Variants in AAMP observed in about 807,000 individuals in gnomAD.
The protein encoded by AAMP is angio-associated migratory cell protein.
AAMP carries 12 observed loss-of-function variants against 51.1 expected under a neutral mutation model. That is an observed-to-expected ratio of 0.23 (90% CI 0.15 to 0.38). The LOEUF (loss-of-function observed/expected upper bound fraction) is 0.38. Among genes scored for constraint, AAMP ranks in the 10% least tolerant of loss-of-function variants. The pLI, the probability that AAMP is intolerant of heterozygous loss-of-function variation, is 1.00. For synonymous variants in AAMP, 210 were observed against 218.7 expected (o/e 0.96, Z 0.35); for missense variants, 418 against 557.2 (o/e 0.75, Z 2.52).
chr2:218,267,025 A>G lies in AAMP; in HGVS notation c.395-39T>C, dbSNP rs769231737. ...TGGGCAGAAAACAGAGGAAAAAAAT[A>G]GGGTACCTGGTGCTGGGGGCATGTG... is the stretch of plus-strand genomic sequence containing the variant. On this transcript the variant is annotated intron_variant, in intron 3 of 10. Coordinates refer to ENST00000248450, the MANE Select transcript of AAMP (RefSeq NM_001087.5). The surrounding 1 kb of genome is among the most constrained non-coding windows in gnomAD (Gnocchi z 4.6). The G allele has an allele frequency of 2.5e-6, 4 of 1,608,884 alleles. No homozygotes were observed. Among genetic ancestry groups the G allele is most frequent in the Non-Finnish European group, 2.6e-6 (3 of 1,175,970 alleles).
chr2:218,264,941 C>A (rs1690586203), intron 10 of AAMP, 79 bp downstream of exon 10: 2 of 1,592,742 alleles, frequency 1.3e-6, no homozygotes, highest in Admixed American at 1.7e-5. Context: ...TTCCCACACC[C>A]CAAGGATCCT....
In AAMP at chr2:218,266,839, G is replaced by T. The variant is rs1288383200; in HGVS notation, c.534+8C>A. 3.7e-6 allele frequency: 6 copies of T among 1,613,830 alleles called. No individual in the cohort carries two copies. The Admixed American group carries it at 5.0e-5, about 13-fold the overall frequency. On this transcript the variant is annotated splice_region_variant and intron_variant, in intron 4 of 10. Transcript: ENST00000248450. This position sits in a 1 kb window ranked among gnomAD's most constrained non-coding sequence, Gnocchi z 4.7. ...CCACAGAGCTGACTCCCGCTCTGAT[G>T]ATCTTACCTCCAGGTCTCCCGCTTC... is the stretch of plus-strand genomic sequence containing the variant.
chr2:218,266,382 T>C lies in AAMP; in HGVS notation c.679+61A>G. 1 of 1,583,050 alleles carries C rather than the reference T, an allele frequency of 6.3e-7. No individual in the cohort carries two copies. Among genetic ancestry groups the C allele is most frequent in the Non-Finnish European group, 8.6e-7 (1 of 1,159,312 alleles). ...TGACCCAGAAGGCTGCTCTGGGAGG[T>C]GTATATCCCGGGATTCGGCCTCTGC... On this transcript the variant is annotated intron_variant, in intron 5 of 10. Transcript: ENST00000248450. The surrounding 1 kb of genome is among the most constrained non-coding windows in gnomAD (Gnocchi z 4.7).
chr2:218,266,706 G>C lies in AAMP; in HGVS notation c.535-119C>G, dbSNP rs563138734. 3.9e-6 allele frequency: 6 copies of C among 1,546,310 alleles called. No individual in the cohort carries two copies. The highest frequency in any genetic ancestry group is 2.3e-4 in the Middle Eastern group (1 of 4,442). Reference sequence around the variant, plus strand: ...GGGTTCCGCGGGGACTTTCCAGGTAGCAGGTAGATATTCTTCCTGTGCCTT... The same window carrying C: ...GGGTTCCGCGGGGACTTTCCAGGTACCAGGTAGATATTCTTCCTGTGCCTT... On this transcript the variant is annotated intron_variant, in intron 4 of 10. Coordinates refer to ENST00000248450, the MANE Select transcript of AAMP (RefSeq NM_001087.5). The surrounding 1 kb of genome is among the most constrained non-coding windows in gnomAD (Gnocchi z 4.7).
rs1332149734 is a variant in AAMP at position 218,267,595 on chromosome 2, C to T, written c.293G>A (p.Ser98Asn). 3.7e-6 allele frequency: 6 copies of T among 1,614,048 alleles called. No individual in the cohort carries two copies. In the South Asian group the frequency reaches 5.5e-5, roughly 15 times the overall value. ...CAAGGTATTGGTCTTGGGGTCCAGG[C>T]TCACACAAAACACAGATGCTGTCCC... The part of the protein sequence containing the change: ...ALHSASVFCV[S>N]LDPKTNTLAV... The change falls in exon 3 of 11, where the codon AGC becomes AAC. Residue 98 changes from serine to asparagine, a missense_variant. By Grantham distance (46) the Ser-to-Asn change is conservative. Transcript: ENST00000248450. The surrounding 1 kb of genome is among the most constrained non-coding windows in gnomAD (Gnocchi z 4.6).
In AAMP at chr2:218,267,460, G is replaced by C. The variant is rs1353518510; in HGVS notation, c.394+34C>G. On this transcript the variant is annotated intron_variant, in intron 3 of 10. Transcript: ENST00000248450. This position sits in a 1 kb window ranked among gnomAD's most constrained non-coding sequence, Gnocchi z 4.6. ...CTCCTAAGATCTCCCAAAAGAATAT[G>C]ACCTCTCCCAGGCCTCTACCCCAGC... 4 of 1,611,178 alleles carry C rather than the reference G, an allele frequency of 2.5e-6. No individual in the cohort carries two copies. The African/African-American group carries it at 5.3e-5, about 22-fold the overall frequency.
In AAMP at chr2:218,265,626, C is replaced by A. The variant is rs781159554; in HGVS notation, c.936G>T (p.Gly312=). 1 of 1,613,954 alleles carries A rather than the reference C, an allele frequency of 6.2e-7. No individual in the cohort carries two copies. Among genetic ancestry groups the A allele is most frequent in the Non-Finnish European group, 8.5e-7 (1 of 1,180,030 alleles). ...TVASQPSLGE[G]EESESNSVES... ...CCACCGAGTTGGACTCACTCTCCTC[C>A]CCTTCTCCCAGGCTGGGCTGGGAGG... The change falls in exon 8 of 11, where the codon GGG becomes GGT. Residue 312 remains glycine (G), a synonymous_variant. Coordinates refer to ENST00000248450, the MANE Select transcript of AAMP (RefSeq NM_001087.5). This position sits in a 1 kb window ranked among gnomAD's most constrained non-coding sequence, Gnocchi z 6.6.
chr2:218,269,002 T>C (rs1002832194), intron 2 of AAMP, among the ~76,000 whole-genome samples: 2 of 152,108 alleles, frequency 1.3e-5, no homozygotes, highest in Non-Finnish European at 2.9e-5. Context: ...CAGCCAAATT[T>C]TTGTATTTTT....
At position 218,265,201 on chromosome 2, in the gene AAMP, G is replaced by A; in HGVS notation, c.1075-27C>T. On this transcript the variant is annotated intron_variant, in intron 9 of 10. Coordinates refer to ENST00000248450, the MANE Select transcript of AAMP (RefSeq NM_001087.5). This position sits in a 1 kb window ranked among gnomAD's most constrained non-coding sequence, Gnocchi z 6.6. ...TGCCCCGAGGAATGACAGAGGCAGG[G>A]CGGAGGTTGGCAGGAGAGCTGAGAG... 6.4e-7 allele frequency: 1 copy of A among 1,570,398 alleles called. No individual in the cohort carries two copies. Among genetic ancestry groups the A allele is most frequent in the Non-Finnish European group, 8.6e-7 (1 of 1,158,274 alleles).
At chr2:218,269,942 G>A in intron 1 of AAMP, 24 bp downstream of exon 1, 1 of 1,614,000 alleles carries the variant, frequency 6.2e-7, no homozygotes, top group Non-Finnish European at 8.5e-7. Flanking sequence ...CCTGTCCCAT[G>A]GCCTGAGGAG....
chr2:218,268,957 A>C (rs1425534949), intron 2 of AAMP, among the ~76,000 whole-genome samples: 1 of 151,986 alleles, frequency 6.6e-6, no homozygotes, highest in African/African-American at 2.4e-5. Flanking sequence ...TGGGCCTCCT[A>C]AAGTGCTGGG....
At chr2:218,268,377 C>T (rs547179954) in intron 2 of AAMP, among the ~76,000 whole-genome samples, 5 of 152,184 alleles carry the variant, frequency 3.3e-5, no homozygotes, top group African/African-American at 9.6e-5. Context: ...CTTGCTCTGT[C>T]GCCCAGGCCG....
chr2:218,265,562 TC>T lies in AAMP; in HGVS notation c.983+16del. On this transcript the variant is annotated intron_variant, in intron 8 of 10. Coordinates refer to ENST00000248450, the MANE Select transcript of AAMP (RefSeq NM_001087.5). This position sits in a 1 kb window ranked among gnomAD's most constrained non-coding sequence, Gnocchi z 6.6. ...CCCAGGCCCCTCCCACAAACCCCTT[TC>T]CCCATCCTCACTCACACACTGCAGA... 6.2e-7 allele frequency: 1 copy of T among 1,611,402 alleles called. No individual in the cohort carries two copies. The highest frequency in any genetic ancestry group is 8.5e-7 in the Non-Finnish European group (1 of 1,177,870).
chr2:218,267,110 C>T lies in AAMP; in HGVS notation c.395-124G>A, dbSNP rs1327039504. 25 of 1,138,856 alleles carry T rather than the reference C, an allele frequency of 2.2e-5. No homozygotes were observed. The highest frequency in any genetic ancestry group is 3.0e-5 in the Non-Finnish European group (24 of 801,592). The allele number at this position is 1,138,856 out of a possible 1,614,324, so 70.5% of individuals were successfully genotyped here. A position where few individuals can be genotyped will look rare whatever the true frequency, so the allele number is the denominator to read the frequency against. On this transcript the variant is annotated intron_variant, in intron 3 of 10. Transcript: ENST00000248450. This position sits in a 1 kb window ranked among gnomAD's most constrained non-coding sequence, Gnocchi z 4.6. ...GGAAAAAAAGAGGGGCGGGACTGAGCAGAACAGGTGCTGGAACTCACCACC... is the reference window on the plus strand; with the variant it reads ...GGAAAAAAAGAGGGGCGGGACTGAGTAGAACAGGTGCTGGAACTCACCACC...
At position 218,266,389 on chromosome 2, in the gene AAMP, C is replaced by A; in HGVS notation, c.679+54G>T. On this transcript the variant is annotated intron_variant, in intron 5 of 10. Transcript: ENST00000248450. This position sits in a 1 kb window ranked among gnomAD's most constrained non-coding sequence, Gnocchi z 4.7. ...GAAGGCTGCTCTGGGAGGTGTATATCCCGGGATTCGGCCTCTGCACCCAGG... is the reference window on the plus strand; with the variant it reads ...GAAGGCTGCTCTGGGAGGTGTATATACCGGGATTCGGCCTCTGCACCCAGG... 3 of 1,591,410 alleles carry A rather than the reference C, an allele frequency of 1.9e-6. No individual in the cohort carries two copies. Among genetic ancestry groups the A allele is most frequent in the Middle Eastern group, 1.7e-4 (1 of 5,918 alleles).
Position 218,266,174 on chromosome 2 carries a change from G to T in AAMP, c.680-27C>A. Reference sequence around the variant, plus strand: ...TGAAGAGAGGCACAGATGAAGAGAGGGCAGAGGGCACGCTCACATACACTA... The same window carrying T: ...TGAAGAGAGGCACAGATGAAGAGAGTGCAGAGGGCACGCTCACATACACTA... On this transcript the variant is annotated intron_variant, in intron 5 of 10. Coordinates refer to ENST00000248450, the MANE Select transcript of AAMP (RefSeq NM_001087.5). The surrounding 1 kb of genome is among the most constrained non-coding windows in gnomAD (Gnocchi z 4.7). 6.3e-7 allele frequency: 1 copy of T among 1,598,374 alleles called. No individual in the cohort carries two copies. Among genetic ancestry groups the T allele is most frequent in the South Asian group, 1.1e-5 (1 of 90,698 alleles).
intron 1 of AAMP, 159 bp from the exon 2 acceptor site, chr2:218,269,693 G>C: frequency 1.6e-6 from 2 of 1,286,890 alleles, no homozygotes; most frequent in Non-Finnish European, 2.2e-6. Flanking sequence ...CACAGGACGG[G>C]AGGCCACGGC....
chr2:218,267,393 G>A lies in AAMP; in HGVS notation c.394+101C>T. On this transcript the variant is annotated intron_variant, in intron 3 of 10. Coordinates refer to ENST00000248450, the MANE Select transcript of AAMP (RefSeq NM_001087.5). The surrounding 1 kb of genome is among the most constrained non-coding windows in gnomAD (Gnocchi z 4.6). ...AGCACAGAGCTGGCACAAAAGAGAT[G>A]TCACTAAGTGGCTGTTGGATGCACA... 3.3e-6 allele frequency: 5 copies of A among 1,523,168 alleles called. No homozygotes were observed. The highest frequency in any genetic ancestry group is 1.4e-5 in the African/African-American group (1 of 72,940). The allele number at this position is 1,523,168 out of a possible 1,614,324, so 94.4% of individuals were successfully genotyped here. A position where few individuals can be genotyped will look rare whatever the true frequency, so the allele number is the denominator to read the frequency against.
rs371349015 is a variant in AAMP, at chr2:218,266,628, C to A, written c.535-41G>T. On this transcript the variant is annotated intron_variant, in intron 4 of 10. Coordinates refer to ENST00000248450, the MANE Select transcript of AAMP (RefSeq NM_001087.5). The surrounding 1 kb of genome is among the most constrained non-coding windows in gnomAD (Gnocchi z 4.7). ...GGGGCAGCAGGGAGGCCCGTCACCC[C>A]ATCCCACCTAGAAGCCTGCCCCATG... is the stretch of plus-strand genomic sequence containing the variant. 1.1e-5 allele frequency: 18 copies of A among 1,591,692 alleles called. No individual in the cohort carries two copies. The African/African-American group carries it at 2.0e-4, about 18-fold the overall frequency.
Sources: gnomAD v4.1 joint callset for allele counts (sites outside exome capture counted in the v4.1 genomes callset) on GRCh38, gnomAD v4.1.1 for gene constraint, Gnocchi (gnomAD v3.1) non-coding constraint, MANE v1.5 for transcripts, NCBI Gene and HGNC (gene_info 2026-07-23, HGNC 2026-07-21) for gene names.